The following ERC2 variants were observed in gnomAD, a reference collection of about 807,000 sequenced individuals.
The protein encoded by ERC2 is ERC protein 2.
ERC2 carries 42 observed loss-of-function variants against 114.8 expected under a neutral mutation model. That is an observed-to-expected ratio of 0.37 (90% CI 0.29 to 0.47). The LOEUF is 0.47. Among genes scored for constraint, ERC2 ranks in the 20% least tolerant of loss-of-function variants. The pLI is 0.99. For synonymous variants in ERC2, 454 were observed against 425.5 expected, an observed-to-expected ratio of 1.07 and a Z score of -0.82; for missense variants, 939 against 1,150.7, an observed-to-expected ratio of 0.82 and a Z score of 2.66.
intron 3 of ERC2, among the ~76,000 whole-genome samples, chr3:56,257,657 C>T (rs1056841821): frequency 2.6e-5 from 4 of 152,208 alleles, no homozygotes; most frequent in Admixed American, 6.5e-5. Flanking sequence ...TTTTGCTTTT[C>T]GGCCATTGCC....
intron 15 of ERC2, among the ~76,000 whole-genome samples, chr3:55,728,940 G>T (rs1415355624): frequency 6.6e-6 from 1 of 152,202 alleles, no homozygotes; most frequent in Non-Finnish European, 1.5e-5. Flanking sequence ...GGCCCCAACG[G>T]AAGCAGCAGT....
chr3:56,438,200 A>G (rs2062115763), intron 1 of ERC2, among the ~76,000 whole-genome samples: 2 of 152,190 alleles, frequency 1.3e-5, no homozygotes, highest in African/African-American at 4.8e-5. Context: ...CCTCCCAGAT[A>G]GTGTCAAGGA....
chr3:55,914,992 G>A (rs983728273), intron 13 of ERC2, among the ~76,000 whole-genome samples: 1 of 152,146 alleles, frequency 6.6e-6, no homozygotes, highest in Non-Finnish European at 1.5e-5. Context: ...GAAGCATCTT[G>A]CCTTTCAGAT....
At chr3:56,225,458 A>G (rs2050189571) in intron 3 of ERC2, among the ~76,000 whole-genome samples, 1 of 152,156 alleles carries the variant, frequency 6.6e-6, no homozygotes. Flanking sequence ...CACTTCCTTC[A>G]CTTGGCTAAA....
chr3:55,901,372 TG>T (rs2064128521), intron 13 of ERC2, among the ~76,000 whole-genome samples: 1 of 152,160 alleles, frequency 6.6e-6, no homozygotes, highest in Non-Finnish European at 1.5e-5. Flanking sequence ...ATCAAGATAT[TG>T]GCAGGCTGCT....
chr3:55,724,973 A>T (rs933277996), intron 15 of ERC2, among the ~76,000 whole-genome samples: 1 of 152,244 alleles, frequency 6.6e-6, no homozygotes, highest in African/African-American at 2.4e-5. Context: ...AACATGCGTT[A>T]TCACTTAAAG....
intron 17 of ERC2, among the ~76,000 whole-genome samples, chr3:55,656,341 G>C (rs1323716767): frequency 6.6e-6 from 1 of 151,858 alleles, no homozygotes; most frequent in Non-Finnish European, 1.5e-5. Flanking sequence ...ATTTTTTGTA[G>C]AGCTGGGAGT....
chr3:55,514,575 T>C (rs1221644728), intron 17 of ERC2, among the ~76,000 whole-genome samples: 1 of 152,168 alleles, frequency 6.6e-6, no homozygotes, highest in East Asian at 1.9e-4. Flanking sequence ...ACCAGAGGGA[T>C]TGGCTGTGCT....
intron 17 of ERC2, among the ~76,000 whole-genome samples, chr3:55,620,061 T>C (rs550825753): frequency 3.3e-5 from 5 of 152,352 alleles, no homozygotes; most frequent in African/African-American, 1.2e-4. Flanking sequence ...CTGTTCACCT[T>C]TGAAGCTCTG....
At chr3:55,912,485 T>A (rs755789167) in intron 13 of ERC2, among the ~76,000 whole-genome samples, 2 of 152,212 alleles carry the variant, frequency 1.3e-5, no homozygotes, top group Non-Finnish European at 2.9e-5. Context: ...TACCCTACTG[T>A]ATGTATGTGT....
At chr3:55,846,010 T>C (rs2061347183) in intron 14 of ERC2, among the ~76,000 whole-genome samples, 1 of 152,258 alleles carries the variant, frequency 6.6e-6, no homozygotes, top group Admixed American at 6.5e-5. Context: ...TTTTTAACTT[T>C]TAAGTTGGGC....
At chr3:55,966,568 A>G (rs2068762880) in intron 12 of ERC2, among the ~76,000 whole-genome samples, 1 of 152,182 alleles carries the variant, frequency 6.6e-6, no homozygotes, top group Non-Finnish European at 1.5e-5. Context: ...TAGATATTAC[A>G]TAGACCAGAA....
At chr3:55,816,531 T>C (rs540723375) in intron 14 of ERC2, among the ~76,000 whole-genome samples, 15 of 152,320 alleles carry the variant, frequency 9.8e-5, no homozygotes, top group African/African-American at 3.4e-4. Flanking sequence ...AACCTGATGC[T>C]TGGGGACATT....
At chr3:55,962,728 G>C (rs1440109228) in intron 12 of ERC2, among the ~76,000 whole-genome samples, 1 of 152,224 alleles carries the variant, frequency 6.6e-6, no homozygotes, top group Non-Finnish European at 1.5e-5. Context: ...AAGTTACAGA[G>C]CTAGTGAATA....
intron 17 of ERC2, among the ~76,000 whole-genome samples, chr3:55,603,995 G>C (rs914504987): frequency 6.6e-6 from 1 of 151,950 alleles, no homozygotes; most frequent in Non-Finnish European, 1.5e-5. Flanking sequence ...ATGTCTCTCC[G>C]GCCACGTTTA....
chr3:56,355,139 A>T (rs2058695596), intron 2 of ERC2, among the ~76,000 whole-genome samples: 1 of 152,192 alleles, frequency 6.6e-6, no homozygotes. Flanking sequence ...ATTGTGAGTG[A>T]AGAGAACATT....
chr3:56,320,774 G>T (rs2057092348), intron 2 of ERC2, among the ~76,000 whole-genome samples: 1 of 152,174 alleles, frequency 6.6e-6, no homozygotes, highest in South Asian at 2.1e-4. Context: ...CAATAATAAT[G>T]ATGACAATTC....
intron 2 of ERC2, among the ~76,000 whole-genome samples, chr3:56,419,824 G>A (rs995033310): frequency 3.9e-5 from 6 of 152,120 alleles, no homozygotes; most frequent in African/African-American, 1.4e-4. Flanking sequence ...CACCTTTCTA[G>A]GGAAAATTAT....
chr3:55,714,639 ATGTG>A (rs34850947), intron 15 of ERC2, among the ~76,000 whole-genome samples: 2,276 of 99,320 alleles, frequency 0.023, 63 homozygotes, highest in East Asian at 0.05. Flanking sequence ...GTTTGTATAT[ATGTG>A]TGTGTGTGTG....
Sources: allele counts gnomAD v4.1 joint callset (sites outside exome capture counted in the v4.1 genomes callset), GRCh38; gene constraint gnomAD v4.1.1; transcripts MANE v1.5; gene names NCBI Gene and HGNC (gene_info 2026-07-23, HGNC 2026-07-21).